Variants in SH3RF3 observed in about 807,000 individuals in gnomAD.
The protein encoded by SH3RF3 is E3 ubiquitin-protein ligase SH3RF3.
A neutral mutation model predicts 66.3 loss-of-function variants in SH3RF3; 29 were observed. The ratio of observed to expected loss-of-function variants is 0.44; its 90% CI spans 0.33 to 0.60. SH3RF3 has a LOEUF of 0.60. Ranked by LOEUF, SH3RF3 falls within the 20% of genes least tolerant of loss-of-function variation. The pLI, the probability that SH3RF3 is intolerant of heterozygous loss-of-function variation, is 0.04. For synonymous variants in SH3RF3, 583 were observed against 532.0 expected (o/e 1.10, Z -1.32); for missense variants, 1,194 against 1,190.9 (o/e 1.00, Z -0.04).
At chr2:109,393,324 T>G (rs368729746) in intron 3 of SH3RF3, among the ~76,000 whole-genome samples, 15 of 152,190 alleles carry the variant, frequency 9.9e-5, no homozygotes, top group Admixed American at 8.5e-4. Flanking sequence ...TTGCAAACAG[T>G]GTTCTAGAAG....
At chr2:109,372,420 C>G (rs553744297) in intron 3 of SH3RF3, among the ~76,000 whole-genome samples, 2 of 152,302 alleles carry the variant, frequency 1.3e-5, no homozygotes, top group South Asian at 4.1e-4. Context: ...GGTGAGCTGA[C>G]CACATGCTTT....
At chr2:109,454,149 A>G (rs1677968355) in intron 8 of SH3RF3, among the ~76,000 whole-genome samples, 2 of 152,258 alleles carry the variant, frequency 1.3e-5, no homozygotes, top group Admixed American at 6.5e-5. Context: ...ACTGCTTAAT[A>G]TACACATTCA....
chr2:109,303,928 C>T (rs1681533634), intron 1 of SH3RF3, among the ~76,000 whole-genome samples: 1 of 151,822 alleles, frequency 6.6e-6, no homozygotes. Context: ...AAGATATAAC[C>T]CCGTCTCTAC....
chr2:109,400,606 C>T (rs934040108), intron 4 of SH3RF3, among the ~76,000 whole-genome samples: 3 of 151,852 alleles, frequency 2.0e-5, no homozygotes, highest in East Asian at 1.9e-4. Flanking sequence ...AACTTATATG[C>T]GTCCCTTCCA....
chr2:109,357,342 C>T (rs374437196), intron 2 of SH3RF3, among the ~76,000 whole-genome samples: 8 of 152,042 alleles, frequency 5.3e-5, no homozygotes, highest in African/African-American at 1.4e-4. Flanking sequence ...CCACCATGCC[C>T]GGATAATTTT....
chr2:109,496,330 A>C (rs1161282991), intron 9 of SH3RF3, among the ~76,000 whole-genome samples: 1 of 151,992 alleles, frequency 6.6e-6, no homozygotes, highest in Non-Finnish European at 1.5e-5. Context: ...TGCATTTTAC[A>C]ATCCTCTTGC....
At position 109,299,397 on chromosome 2, in the gene SH3RF3, C is replaced by G. The variant is rs532532196; in HGVS notation, c.574-48277C>G. 7.3e-5 allele frequency among the ~76,000 whole-genome samples: 11 copies of G among 149,892 alleles called. No individual in the cohort carries two copies. In the East Asian group the frequency reaches 2.1e-3, roughly 28 times the overall value. On this transcript the variant is annotated intron_variant, in intron 1 of 9. Transcript: ENST00000309415. ...CAGAAAGTGTTTGGCACATCAGGGT[C>G]CTTGACACATCCTTGAGTGGCCATC...
chr2:109,493,247 C>CACACACACTGCAA (rs1366128883), intron 9 of SH3RF3, among the ~76,000 whole-genome samples: 1 of 151,036 alleles, frequency 6.6e-6, no homozygotes, highest in East Asian at 1.9e-4. Context: ...ACACACGCAC[C>CACACACACTGCAA]ACACACACTG....
At chr2:109,419,949 G>A (rs1325441062) in intron 5 of SH3RF3, among the ~76,000 whole-genome samples, 3 of 152,218 alleles carry the variant, frequency 2.0e-5, no homozygotes, top group African/African-American at 7.2e-5. Context: ...TCCATAGCAT[G>A]GAAGGTCCGA....
At position 109,129,741 on chromosome 2, in the gene SH3RF3, G is replaced by T. The variant is rs1343284667; in HGVS notation, c.201G>T (p.Thr67=). The stretch of plus-strand genomic sequence containing the variant: ...TGTGTCTGGAGCGCCTGGACACCAC[G>T]GCCAAGGTGCTGCCATGCCAACACA... ...CSVCLERLDT[T]AKVLPCQHTF... The change falls in exon 1 of 10, where the codon ACG becomes ACT. Residue 67 remains threonine, a synonymous_variant. Coordinates refer to ENST00000309415, the MANE Select transcript of SH3RF3 (RefSeq NM_001099289.3). 7.8e-6 allele frequency: 12 copies of T among 1,539,244 alleles called. No individual in the cohort carries two copies. The highest frequency in any genetic ancestry group is 1.4e-5 in the African/African-American group (1 of 72,554).
chr2:109,355,523 A>G (rs571594751), intron 2 of SH3RF3, among the ~76,000 whole-genome samples: 31 of 152,068 alleles, frequency 2.0e-4, no homozygotes, highest in Non-Finnish European at 4.6e-4. Flanking sequence ...TTGACCTACA[A>G]CTCCTGAAAT....
At chr2:109,268,719 A>G (rs761729383) in intron 1 of SH3RF3, among the ~76,000 whole-genome samples, 1 of 147,154 alleles carries the variant, frequency 6.8e-6, no homozygotes, top group Non-Finnish European at 1.5e-5. Flanking sequence ...AATAAACTGC[A>G]TAAGTTATTT....
chr2:109,368,456 C>T (rs1473618825), intron 2 of SH3RF3, among the ~76,000 whole-genome samples: 1 of 151,466 alleles, frequency 6.6e-6, no homozygotes, highest in Admixed American at 6.6e-5. Context: ...AATGATTGGC[C>T]AATTTTAGTA....
intron 1 of SH3RF3, among the ~76,000 whole-genome samples, chr2:109,219,128 C>T (rs2105139470): frequency 6.6e-6 from 1 of 152,292 alleles, no homozygotes; most frequent in Admixed American, 6.5e-5. Context: ...TGTGGAGTTC[C>T]ACCTCTCTCG....
intron 1 of SH3RF3, among the ~76,000 whole-genome samples, chr2:109,299,157 G>A (rs897834895): frequency 6.6e-6 from 1 of 152,202 alleles, no homozygotes; most frequent in Non-Finnish European, 1.5e-5. Context: ...TTGCCTCCAT[G>A]CCACCTGCTC....
chr2:109,142,803 C>T (rs550083637), intron 1 of SH3RF3, among the ~76,000 whole-genome samples: 7 of 152,234 alleles, frequency 4.6e-5, no homozygotes, highest in East Asian at 1.9e-4. Context: ...ATAGGCTTGT[C>T]GGTAAATGTG....
At chr2:109,484,528 C>T (rs919440914) in intron 8 of SH3RF3, among the ~76,000 whole-genome samples, 3 of 152,150 alleles carry the variant, frequency 2.0e-5, no homozygotes, top group Non-Finnish European at 4.4e-5. Flanking sequence ...CTATATCAGC[C>T]CAGCTCTTGA....
intron 1 of SH3RF3, among the ~76,000 whole-genome samples, chr2:109,266,731 C>A (rs1284567422): frequency 1.3e-5 from 2 of 152,164 alleles, no homozygotes; most frequent in African/African-American, 4.8e-5. Flanking sequence ...AGTGACACGG[C>A]CCACGCTTGC....
intron 4 of SH3RF3, among the ~76,000 whole-genome samples, chr2:109,403,680 G>A (rs1410875198): frequency 2.0e-5 from 3 of 152,228 alleles, no homozygotes; most frequent in African/African-American, 4.8e-5. Context: ...GGGTGCTGGG[G>A]TGGAGGTGCA....
Sources: gnomAD v4.1 joint callset for allele counts (sites outside exome capture counted in the v4.1 genomes callset) on GRCh38, gnomAD v4.1.1 for gene constraint, MANE v1.5 for transcripts, NCBI Gene and HGNC (gene_info 2026-07-23, HGNC 2026-07-21) for gene names.